Variants in DSCAML1 observed in about 807,000 individuals in gnomAD.
The protein encoded by DSCAML1 is DS cell adhesion molecule like 1, also known as cell adhesion molecule DSCAML1.
A neutral mutation model predicts 200.5 loss-of-function variants in DSCAML1; 38 were observed. The observed-to-expected ratio is 0.19, with a 90% CI of 0.15 to 0.25. The LOEUF (loss-of-function observed/expected upper bound fraction) is 0.25, where lower values mean the gene tolerates loss of function less well. Ranked by LOEUF, DSCAML1 falls within the 10% of genes least tolerant of loss-of-function variation. The pLI is 1.00. For synonymous variants in DSCAML1, 1,215 were observed against 1,165.0 expected, an observed-to-expected ratio of 1.04 and a Z score of -0.87; for missense variants, 2,223 against 2,858.8, an observed-to-expected ratio of 0.78 and a Z score of 5.07.
intron 3 of DSCAML1, among the ~76,000 whole-genome samples, chr11:117,573,476 G>T (rs2137441704): frequency 6.6e-6 from 1 of 152,304 alleles, no homozygotes; most frequent in East Asian, 1.9e-4. Flanking sequence ...CTCTGCCCCA[G>T]GCCTAGCCGG....
At chr11:117,697,784 T>G (rs1345029691) in intron 3 of DSCAML1, among the ~76,000 whole-genome samples, 1 of 151,858 alleles carries the variant, frequency 6.6e-6, no homozygotes, top group Non-Finnish European at 1.5e-5. Flanking sequence ...TTTTTTTTTT[T>G]TTTTTTAGAC....
chr11:117,687,614 A>G (rs898314476), intron 3 of DSCAML1, among the ~76,000 whole-genome samples: 1 of 151,906 alleles, frequency 6.6e-6, no homozygotes, highest in African/African-American at 2.4e-5. Flanking sequence ...TGTTTCAATA[A>G]TTATTTTTTG....
chr11:117,657,512 A>G (rs2052758918), intron 3 of DSCAML1, among the ~76,000 whole-genome samples: 1 of 152,090 alleles, frequency 6.6e-6, no homozygotes, highest in Admixed American at 6.5e-5. Flanking sequence ...TCATATTTCC[A>G]TTTTTGCTTT....
chr11:117,689,411 C>T (rs1018969568), intron 3 of DSCAML1, among the ~76,000 whole-genome samples: 8 of 152,132 alleles, frequency 5.3e-5, no homozygotes, highest in East Asian at 3.8e-4. Context: ...CACAAACCTT[C>T]GGGGATTTGT....
intron 3 of DSCAML1, among the ~76,000 whole-genome samples, chr11:117,740,442 G>C (rs1939980): frequency 0.038 from 5,776 of 152,152 alleles, 313 homozygotes; most frequent in African/African-American, 0.12. Flanking sequence ...TAGGAGATGG[G>C]ACTTTCAGTG....
chr11:117,508,662 G>A (rs568116887), intron 8 of DSCAML1, among the ~76,000 whole-genome samples: 1 of 152,228 alleles, frequency 6.6e-6, no homozygotes, highest in Admixed American at 6.5e-5. Context: ...TGTGATTTGA[G>A]AGCCCTGTGT....
chr11:117,508,547 G>T (rs559083568), intron 8 of DSCAML1, among the ~76,000 whole-genome samples: 1 of 151,622 alleles, frequency 6.6e-6, no homozygotes, highest in Non-Finnish European at 1.5e-5. Context: ...AGAATAAGAG[G>T]GGGGGTCTGT....
At chr11:117,455,636 C>T (rs1374805933) in intron 19 of DSCAML1, among the ~76,000 whole-genome samples, 1 of 152,156 alleles carries the variant, frequency 6.6e-6, no homozygotes, top group Non-Finnish European at 1.5e-5. Flanking sequence ...ATTTATTTTG[C>T]TTTTTTCTAA....
At chr11:117,637,247 T>C (rs896742895) in intron 3 of DSCAML1, among the ~76,000 whole-genome samples, 9 of 152,190 alleles carry the variant, frequency 5.9e-5, no homozygotes, top group Non-Finnish European at 1.2e-4. Context: ...TGTAAGGGTC[T>C]AGAATCCTCA....
rs2047804707 is a variant in DSCAML1, at chr11:117,431,865, C to T, written c.5180-137G>A. The T allele has an allele frequency of 6.6e-6, 5 of 760,608 alleles. No homozygotes were observed. The South Asian group carries it at 7.1e-5, about 11-fold the overall frequency. The allele number at this position is 760,608 out of a possible 1,614,324, so 47.1% of individuals were successfully genotyped here. On this transcript the variant is annotated intron_variant, in intron 30 of 32. Coordinates refer to ENST00000651296, the MANE Select transcript of DSCAML1 (RefSeq NM_020693.4). Reference sequence around the variant, plus strand: ...CACAGAAGCGCCCTTGGGAATGCTGCCTTTCCTAACCACATCGCTGTCCCC... The same window carrying T: ...CACAGAAGCGCCCTTGGGAATGCTGTCTTTCCTAACCACATCGCTGTCCCC...
At chr11:117,614,109 T>G (rs2051759178) in intron 3 of DSCAML1, among the ~76,000 whole-genome samples, 2 of 152,030 alleles carry the variant, frequency 1.3e-5, no homozygotes, top group African/African-American at 2.4e-5. Context: ...TGGAGAGAGA[T>G]ATATATGCAT....
chr11:117,785,720 T>C (rs976552358), intron 1 of DSCAML1, among the ~76,000 whole-genome samples: 34 of 152,312 alleles, frequency 2.2e-4, no homozygotes, highest in African/African-American at 8.2e-4. Context: ...TAAAGTCTTA[T>C]TGGCCTAATG....
At chr11:117,734,537 T>C (rs534412364) in intron 3 of DSCAML1, among the ~76,000 whole-genome samples, 29 of 152,330 alleles carry the variant, frequency 1.9e-4, no homozygotes, top group South Asian at 2.1e-4. Flanking sequence ...CCTGCTCTTA[T>C]TTTAAACCTT....
rs937782228 is a variant in DSCAML1 at position 117,439,399 on chromosome 11, A to G, written c.4011T>C (p.Asp1337=). The change falls in exon 23 of 33, where the codon GAT becomes GAC. Residue 1337 remains aspartate, a synonymous_variant. Coordinates refer to ENST00000651296, the MANE Select transcript of DSCAML1 (RefSeq NM_020693.4). ...CATTGGTGTGGATGAGCCGGTGCCC[A>G]TCCATGGACACTGGAATGGCCGAGT... The part of the protein sequence containing the change: ...SEDSAIPVSM[D]GHRLIHTNGT... The G allele has an allele frequency of 7.4e-6, 12 of 1,613,304 alleles. No individual in the cohort carries two copies. In the African/African-American group the frequency reaches 1.6e-4, roughly 22 times the overall value.
At chr11:117,524,703 G>A in intron 5 of DSCAML1, 102 bp downstream of exon 5, 1 of 1,391,642 alleles carries the variant, frequency 7.2e-7, no homozygotes, top group South Asian at 1.4e-5. Context: ...TATTCCCAGG[G>A]CCTGGTCAGA....
At chr11:117,630,587 A>G (rs1393851705) in intron 3 of DSCAML1, among the ~76,000 whole-genome samples, 2 of 140,082 alleles carry the variant, frequency 1.4e-5, no homozygotes, top group Non-Finnish European at 3.0e-5. Flanking sequence ...CTTGAGGATC[A>G]TGATGGCCCT....
At chr11:117,602,132 G>A (rs990314751) in intron 3 of DSCAML1, among the ~76,000 whole-genome samples, 1 of 152,266 alleles carries the variant, frequency 6.6e-6, no homozygotes, top group African/African-American at 2.4e-5. Context: ...GCCCAGAGGT[G>A]CTGCCTTCTC....
chr11:117,675,328 C>G (rs189983817), intron 3 of DSCAML1, among the ~76,000 whole-genome samples: 7 of 152,158 alleles, frequency 4.6e-5, no homozygotes, highest in African/African-American at 1.7e-4. Flanking sequence ...GCCAGGATCT[C>G]GCTCTGTTGC....
chr11:117,518,651 G>A lies in DSCAML1; in HGVS notation c.1325C>T (p.Ala442Val). The A allele has an allele frequency of 6.2e-7, 1 of 1,613,410 alleles. No individual in the cohort carries two copies. The highest frequency in any genetic ancestry group is 8.5e-7 in the Non-Finnish European group (1 of 1,179,924). ...CCGCACGATGGGCTCATCGTCGAGG[G>A]CCCAGGTGACCGTGGGGGGCGGGGC... Reference protein sequence around the residue: ...KGAPPPTVTWALDDEPIVRDG... With the variant: ...KGAPPPTVTWVLDDEPIVRDG... The change falls in exon 7 of 33, where the codon GCC becomes GTC. Residue 442 changes from alanine (A) to valine (V), a missense_variant. Around this residue, in one of 7 missense-constraint regions of DSCAML1, gnomAD observed 579 missense variants for 721.5 expected, o/e 0.80. Transcript: ENST00000651296. This position sits in a 1 kb window ranked among gnomAD's most constrained non-coding sequence, Gnocchi z 6.3.
Sources: allele counts gnomAD v4.1 joint callset (sites outside exome capture counted in the v4.1 genomes callset), GRCh38; gene constraint gnomAD v4.1.1; regional missense constraint gnomAD v4.1.1; non-coding constraint Gnocchi (gnomAD v3.1); transcripts MANE v1.5; gene names NCBI Gene and HGNC (gene_info 2026-07-23, HGNC 2026-07-21).